SLC35F4: variants seen among roughly 807,000 people sequenced by gnomAD.
SLC35F4 encodes solute carrier family 35 member F4, also known as chromosome 14 open reading frame 36.
In SLC35F4, 24 loss-of-function variants were observed where a neutral mutation model predicts 44.2. That is an observed-to-expected ratio of 0.54 (90% confidence interval 0.39 to 0.76). The LOEUF (loss-of-function observed/expected upper bound fraction) is 0.76. SLC35F4 is among the 30% of genes least tolerant of loss of function. SLC35F4 has a pLI of 0.00. For missense variants in SLC35F4, 562 were observed against 586.1 expected, an observed-to-expected ratio of 0.96 and a Z score of 0.42; for synonymous variants, 238 against 223.6, an observed-to-expected ratio of 1.06 and a Z score of -0.57.
intron 1 of SLC35F4, among the ~76,000 whole-genome samples, chr14:57,666,989 C>T (rs2074331950): frequency 6.6e-6 from 1 of 151,256 alleles, no homozygotes; most frequent in African/African-American, 2.5e-5. Context: ...ACAATTTGAG[C>T]TATGAATTAT....
intron 1 of SLC35F4, among the ~76,000 whole-genome samples, chr14:57,877,129 T>C (rs1436767757): frequency 1.3e-5 from 2 of 152,130 alleles, no homozygotes; most frequent in African/African-American, 4.8e-5. Context: ...TAGTACCTGA[T>C]AGGCAGTTTT....
intron 1 of SLC35F4, among the ~76,000 whole-genome samples, chr14:57,853,459 A>G (rs1419567293): frequency 1.3e-5 from 2 of 152,132 alleles, no homozygotes; most frequent in Admixed American, 6.5e-5. Flanking sequence ...CTTCCCTCAT[A>G]CAGTCAATAG....
chr14:57,599,825 C>A (rs534984964), intron 1 of SLC35F4, among the ~76,000 whole-genome samples: 2 of 146,966 alleles, frequency 1.4e-5, no homozygotes, highest in Admixed American at 1.4e-4. Context: ...AAAAACAACA[C>A]CAGAATTTGG....
In SLC35F4 at chr14:57,581,278, C is replaced by G; in HGVS notation, c.743G>C (p.Cys248Ser). The part of the protein sequence containing the change: ...TATDVSALFC[C>S]NKAFVFLLSW... ...CAGCAAGAAGACAAAGGCTTTGTTA[C>G]AACAGAACAGAGCGGAGACATCCGT... The change falls in exon 4 of 8, where the codon TGT becomes TCT. Residue 248 changes from cysteine (C) to serine (S), a missense_variant. Coordinates refer to ENST00000556826, the MANE Select transcript of SLC35F4 (RefSeq NM_001306087.2). The G allele has an allele frequency of 6.2e-7, 1 of 1,612,504 alleles. No homozygotes were observed. Among genetic ancestry groups the G allele is most frequent in the Non-Finnish European group, 8.5e-7 (1 of 1,179,426 alleles).
intron 1 of SLC35F4, among the ~76,000 whole-genome samples, chr14:57,652,582 C>T (rs1233673099): frequency 6.6e-6 from 1 of 152,072 alleles, no homozygotes; most frequent in Non-Finnish European, 1.5e-5. Context: ...ATCTAGCACA[C>T]AGAGGCCAGG....
chr14:57,668,510 A>T (rs1594754854), intron 1 of SLC35F4, among the ~76,000 whole-genome samples: 1 of 152,078 alleles, frequency 6.6e-6, no homozygotes, highest in Non-Finnish European at 1.5e-5. Flanking sequence ...TTTTTGTATA[A>T]GGTGTAAGGA....
intron 1 of SLC35F4, among the ~76,000 whole-genome samples, chr14:57,859,166 G>C (rs992128092): frequency 2.0e-5 from 3 of 152,006 alleles, no homozygotes; most frequent in African/African-American, 7.2e-5. Flanking sequence ...CAGAGCAAGA[G>C]AAATAAAAGG....
chr14:57,570,548 A>C (rs2068447157), intron 5 of SLC35F4, among the ~76,000 whole-genome samples: 1 of 152,182 alleles, frequency 6.6e-6, no homozygotes, highest in African/African-American at 2.4e-5. Context: ...TGTGCAGAGG[A>C]AGATGGCAAG....
chr14:57,911,392 C>A (rs890761077), intron 1 of SLC35F4, among the ~76,000 whole-genome samples: 3 of 151,988 alleles, frequency 2.0e-5, no homozygotes, highest in African/African-American at 7.2e-5. Flanking sequence ...TCAAGTCTCT[C>A]CCCGTTACGT....
At chr14:57,635,571 T>C (rs2072984665) in intron 1 of SLC35F4, among the ~76,000 whole-genome samples, 1 of 152,028 alleles carries the variant, frequency 6.6e-6, no homozygotes, top group African/African-American at 2.4e-5. Flanking sequence ...CACACAGCAC[T>C]ACAGGAGGAA....
intron 1 of SLC35F4, among the ~76,000 whole-genome samples, chr14:57,683,702 A>ACTC (rs776558850): frequency 1.4e-4 from 22 of 152,236 alleles, no homozygotes; most frequent in Non-Finnish European, 2.8e-4. Context: ...TGACTTTTAA[A>ACTC]ATTGGTCTAC....
At chr14:57,769,870 G>A (rs1212580660) in intron 1 of SLC35F4, among the ~76,000 whole-genome samples, 2 of 152,132 alleles carry the variant, frequency 1.3e-5, no homozygotes, top group African/African-American at 4.8e-5. Flanking sequence ...AATGGATTTT[G>A]ATCACAATTT....
intron 1 of SLC35F4, among the ~76,000 whole-genome samples, chr14:57,765,927 C>G (rs1594999002): frequency 6.6e-6 from 1 of 152,220 alleles, no homozygotes. Context: ...AAGTGCTTCC[C>G]TAGCCATGTT....
chr14:57,580,887 T>G (rs532520954), intron 4 of SLC35F4: 1 of 197,572 alleles, frequency 5.1e-6, no homozygotes, highest in African/African-American at 2.3e-5. Context: ...GTGGCTAATT[T>G]TCTCAGACCC....
intron 1 of SLC35F4, among the ~76,000 whole-genome samples, chr14:57,881,679 A>G (rs1595265637): frequency 6.6e-6 from 1 of 152,328 alleles, no homozygotes; most frequent in South Asian, 2.1e-4. Context: ...ATAGGGTTGC[A>G]AATTTCACTT....
intron 1 of SLC35F4, among the ~76,000 whole-genome samples, chr14:57,790,681 A>G (rs1226662542): frequency 6.6e-6 from 1 of 152,172 alleles, no homozygotes; most frequent in East Asian, 1.9e-4. Flanking sequence ...TAGCCAAGAC[A>G]ATCCTAAGCG....
At chr14:57,571,807 T>C (rs1318970187) in intron 5 of SLC35F4, 87 bp downstream of exon 5, 3 of 1,470,592 alleles carry the variant, frequency 2.0e-6, no homozygotes, top group African/African-American at 1.4e-5. Context: ...TTCTTTCTAA[T>C]CAATGATTAC....
intron 1 of SLC35F4, among the ~76,000 whole-genome samples, chr14:57,872,023 C>T (rs1234412808): frequency 6.6e-6 from 1 of 152,064 alleles, no homozygotes; most frequent in Non-Finnish European, 1.5e-5. Flanking sequence ...GAAGACAAAA[C>T]AAATTGTTGG....
chr14:57,758,395 T>C (rs1416405704), intron 1 of SLC35F4, among the ~76,000 whole-genome samples: 1 of 152,126 alleles, frequency 6.6e-6, no homozygotes, highest in African/African-American at 2.4e-5. Flanking sequence ...CTTGGATAGT[T>C]TCTATTGTTA....
Sources: gnomAD v4.1 joint callset for allele counts (sites outside exome capture counted in the v4.1 genomes callset) on GRCh38, gnomAD v4.1.1 for gene constraint, MANE v1.5 for transcripts, NCBI Gene and HGNC (gene_info 2026-07-23, HGNC 2026-07-21) for gene names.